The following STX1B variants were observed in gnomAD, a reference collection of about 807,000 sequenced individuals.
STX1B encodes syntaxin-1B.
Under a neutral mutation model 39.4 loss-of-function variants are expected in STX1B, and 7 were observed. That is an observed-to-expected ratio of 0.18 (90% CI 0.10 to 0.33). The LOEUF (loss-of-function observed/expected upper bound fraction) is 0.33. Among genes scored for constraint, STX1B ranks in the 10% least tolerant of loss-of-function variants. The pLI, the probability that STX1B is intolerant of heterozygous loss-of-function variation, is 1.00. For missense variants in STX1B, 198 were observed against 383.2 expected (o/e 0.52, Z 4.04); for synonymous variants, 136 against 144.1 (o/e 0.94, Z 0.40).
intron 7 of STX1B, chr16:30,996,287 A>G (rs1166035634): frequency 5.7e-6 from 1 of 176,042 alleles, no homozygotes; most frequent in Non-Finnish European, 1.2e-5. Context: ...TATGTCGTGT[A>G]TCCTAGGGCT....
At chr16:31,008,173 C>A (rs1209585417) in intron 1 of STX1B, among the ~76,000 whole-genome samples, 1 of 151,954 alleles carries the variant, frequency 6.6e-6, no homozygotes, top group African/African-American at 2.4e-5. Context: ...ATCCCAGGCT[C>A]CTTGCTTTCA....
At position 30,990,375 on chromosome 16, in the gene STX1B, C is replaced by T. The variant is rs1245250394; in HGVS notation, c.*2446G>A. 4 of 152,220 alleles carry T rather than the reference C, an allele frequency of 2.6e-5. No individual in the cohort carries two copies. The highest frequency in any genetic ancestry group is 1.3e-4 in the Admixed American group (2 of 15,274). 9.4% of individuals were successfully genotyped at this position (152,220 alleles called of 1,614,324 possible). ...GGCGTTCTGGGAAGGGACAGGCAGG[C>T]CCCCAGCTCAGGACAGCCCACCTGG... On this transcript the variant is annotated 3_prime_UTR_variant, in exon 10 of 10. Coordinates refer to ENST00000215095, the MANE Select transcript of STX1B (RefSeq NM_052874.5).
intron 7 of STX1B, among the ~76,000 whole-genome samples, chr16:30,993,898 T>C (rs1358775633): frequency 1.3e-5 from 2 of 151,382 alleles, no homozygotes; most frequent in African/African-American, 2.4e-5. Flanking sequence ...GGCAGGAGAA[T>C]TGCTTGAACC....
chr16:31,002,424 C>T (rs2056634666), intron 1 of STX1B, among the ~76,000 whole-genome samples: 2 of 151,244 alleles, frequency 1.3e-5, no homozygotes, highest in Non-Finnish European at 3.0e-5. Context: ...CCAAGGCACA[C>T]AGGAATAGGC....
chr16:30,993,626 TC>T, intron 7 of STX1B, 142 bp from the exon 8 acceptor site: 2 of 933,888 alleles, frequency 2.1e-6, no homozygotes, highest in Non-Finnish European at 3.2e-6. Context: ...GGCCTCAGTT[TC>T]CCCACCTAGA....
Position 30,993,492 on chromosome 16 carries a change from G to A in STX1B, c.538-8C>T, listed in dbSNP as rs781582150. On this transcript the variant is annotated splice_region_variant and splice_polypyrimidine_tract_variant and intron_variant, in intron 7 of 9. Coordinates refer to ENST00000215095, the MANE Select transcript of STX1B (RefSeq NM_052874.5). ...CTGTGAGTCCATTTTGATCTAGGGT[G>A]ACGAGGGAGAGAGCTACAATCACCC... is the stretch of plus-strand genomic sequence containing the variant. 4 of 1,613,048 alleles carry A rather than the reference G, an allele frequency of 2.5e-6. No homozygotes were observed. In the South Asian group the frequency reaches 3.3e-5, roughly 13 times the overall value.
In STX1B at chr16:30,993,115, G is replaced by A. The variant is rs371578393; in HGVS notation, c.786+15C>T. ...GGGCTCCCCCGCCTACCCCCAGGCC[G>A]CCTGCCCCGCTCACCCTCCGGGCCT... On this transcript the variant is annotated intron_variant, in intron 9 of 9. Coordinates refer to ENST00000215095, the MANE Select transcript of STX1B (RefSeq NM_052874.5). 5.0e-6 allele frequency: 8 copies of A among 1,612,192 alleles called. No individual in the cohort carries two copies. The highest frequency in any genetic ancestry group is 2.7e-5 in the African/African-American group (2 of 74,882).
At chr16:30,994,217 G>A (rs1290122080) in intron 7 of STX1B, among the ~76,000 whole-genome samples, 1 of 151,500 alleles carries the variant, frequency 6.6e-6, no homozygotes, top group African/African-American at 2.4e-5. Context: ...GCGTGAACCC[G>A]GGAGGCGGAG....
chr16:30,996,503 C>A, intron 7 of STX1B, 180 bp downstream of exon 7: 2 of 608,964 alleles, frequency 3.3e-6, no homozygotes, highest in Non-Finnish European at 5.8e-6. Context: ...GGCACACGAA[C>A]GACTCCGTCA....
At chr16:30,997,945 G>A (rs1432335383) in intron 4 of STX1B, among the ~76,000 whole-genome samples, 2 of 152,202 alleles carry the variant, frequency 1.3e-5, no homozygotes, top group Admixed American at 1.3e-4. Flanking sequence ...ATGTATGTGG[G>A]GTGCTCCCTA....
In STX1B at chr16:30,990,404, T is replaced by C. The variant is rs1030550215; in HGVS notation, c.*2417A>G. On this transcript the variant is annotated 3_prime_UTR_variant, in exon 10 of 10. Transcript: ENST00000215095. Reference sequence around the variant, plus strand: ...CAGCTCAGGACAGCCCACCTGGGGTTACGCACGTGGCCACACTGACACACA... The same window carrying C: ...CAGCTCAGGACAGCCCACCTGGGGTCACGCACGTGGCCACACTGACACACA... The C allele has an allele frequency of 6.6e-6, 1 of 152,104 alleles. No individual in the cohort carries two copies. The highest frequency in any genetic ancestry group is 2.4e-5 in the African/African-American group (1 of 41,372). The allele number at this position is 152,104 out of a possible 1,614,324, so 9.4% of individuals were successfully genotyped here. A position where few individuals can be genotyped will look rare whatever the true frequency, so the allele number is the denominator to read the frequency against.
At chr16:30,993,075 C>G (rs745678111) in intron 9 of STX1B, 55 bp downstream of exon 9, 9 of 1,561,496 alleles carry the variant, frequency 5.8e-6, no homozygotes, top group Non-Finnish European at 7.9e-6. Context: ...CTCACCTCAG[C>G]CCGGGCTCAG....
chr16:30,992,748 T>C lies in STX1B; in HGVS notation c.*73A>G. The C allele has an allele frequency of 1.4e-6, 1 of 731,030 alleles. No individual in the cohort carries two copies. Among genetic ancestry groups the C allele is most frequent in the South Asian group, 1.6e-5 (1 of 60,756 alleles). 45.3% of individuals were successfully genotyped at this position (731,030 alleles called of 1,614,324 possible). A position where few individuals can be genotyped will look rare whatever the true frequency, so the allele number is the denominator to read the frequency against. ...AGTGAGCCTGGAGCAGGGGATGGAG[T>C]GAAAGGGGTGGTGGGGGTATTGCTC... On this transcript the variant is annotated 3_prime_UTR_variant, in exon 10 of 10. Transcript: ENST00000215095.
chr16:30,993,073 A>C, intron 9 of STX1B, 57 bp downstream of exon 9: 1 of 1,551,770 alleles, frequency 6.4e-7, no homozygotes, highest in Non-Finnish European at 8.9e-7. Context: ...CACTCACCTC[A>C]GCCCGGGCTC....
intron 4 of STX1B, 47 bp downstream of exon 4, chr16:31,000,881 C>T (rs1309609431): frequency 2.2e-5 from 35 of 1,603,118 alleles, no homozygotes; most frequent in Non-Finnish European, 2.7e-5. Context: ...CCACCATGCT[C>T]CACCCACAAT....
At chr16:31,000,870 G>GC in intron 4 of STX1B, 58 bp downstream of exon 4, 1 of 1,584,420 alleles carries the variant, frequency 6.3e-7, no homozygotes, top group East Asian at 2.2e-5. Flanking sequence ...AAAGGCCTGA[G>GC]CCACCATGCT....
rs1003401053 is a variant in STX1B at position 31,001,877 on chromosome 16, A to G, written c.31-274T>C. Among the ~76,000 whole-genome samples the G allele has an allele frequency of 6.6e-6, 1 of 152,128 alleles. No individual in the cohort carries two copies. The highest frequency in any genetic ancestry group is 2.4e-5 in the African/African-American group (1 of 41,414). ...GCGCAGAGCCAGCCTTGACCAGCCA[A>G]TAGGGATGATTTCAATATTTCAACA... is the stretch of plus-strand genomic sequence containing the variant. On this transcript the variant is annotated intron_variant, in intron 1 of 9. Transcript: ENST00000215095. This position sits in a 1 kb window ranked among gnomAD's most constrained non-coding sequence, Gnocchi z 5.5.
chr16:31,007,720 C>G (rs901000215), intron 1 of STX1B, among the ~76,000 whole-genome samples: 1 of 152,152 alleles, frequency 6.6e-6, no homozygotes, highest in Non-Finnish European at 1.5e-5. Context: ...TCCTGCCCAT[C>G]GCAGGGGGCT....
intron 4 of STX1B, among the ~76,000 whole-genome samples, chr16:31,000,478 C>T (rs919954295): frequency 2.0e-5 from 3 of 151,712 alleles, no homozygotes; most frequent in Non-Finnish European, 2.9e-5. Flanking sequence ...AACAGAGGCA[C>T]GTACTACCAT....
Sources: allele counts gnomAD v4.1 joint callset (sites outside exome capture counted in the v4.1 genomes callset), GRCh38; gene constraint gnomAD v4.1.1; non-coding constraint Gnocchi (gnomAD v3.1); transcripts MANE v1.5; gene names NCBI Gene and HGNC (gene_info 2026-07-23, HGNC 2026-07-21).